PDE10A: variants seen among roughly 807,000 people sequenced by gnomAD.
PDE10A encodes phosphodiesterase 10A, also known as cAMP and cAMP-inhibited cGMP 3',5'-cyclic phosphodiesterase 10A.
A neutral mutation model predicts 97.7 loss-of-function variants in PDE10A; 39 were observed. The observed-to-expected ratio is 0.40, with a 90% CI of 0.31 to 0.52. The LOEUF is 0.52. PDE10A is among the 20% of genes least tolerant of loss of function. The probability of loss-of-function intolerance (pLI) is 0.56; values close to 1 mark genes in which losing one functional copy is unlikely to be tolerated. For missense variants in PDE10A, 731 were observed against 1,047.8 expected (o/e 0.70, Z 4.17); for synonymous variants, 371 against 376.8 (o/e 0.98, Z 0.18).
At chr6:165,608,472 T>C (rs1382676296) in intron 1 of PDE10A, among the ~76,000 whole-genome samples, 2 of 152,110 alleles carry the variant, frequency 1.3e-5, no homozygotes, top group Non-Finnish European at 2.9e-5. Context: ...TAGTATTCCA[T>C]GGTGTATATG....
chr6:165,432,115 T>C (rs1789618345), intron 7 of PDE10A, among the ~76,000 whole-genome samples: 1 of 152,134 alleles, frequency 6.6e-6, no homozygotes, highest in Non-Finnish European at 1.5e-5. Flanking sequence ...GATACTGTAG[T>C]AAATAACAGA....
chr6:165,480,799 G>A (rs898507054), intron 3 of PDE10A, among the ~76,000 whole-genome samples: 3 of 152,122 alleles, frequency 2.0e-5, no homozygotes, highest in African/African-American at 7.2e-5. Context: ...ATTGAAAATA[G>A]TGGCATACTA....
chr6:165,436,349 G>C (rs1293235327), intron 5 of PDE10A, among the ~76,000 whole-genome samples: 1 of 152,004 alleles, frequency 6.6e-6, no homozygotes, highest in African/African-American at 2.4e-5. Flanking sequence ...TAACTTATCA[G>C]GTATGTGGTT....
At chr6:165,398,615 A>T (rs748728244) in intron 13 of PDE10A, among the ~76,000 whole-genome samples, 3 of 152,132 alleles carry the variant, frequency 2.0e-5, no homozygotes, top group East Asian at 1.9e-4. Flanking sequence ...TCTTTATGTC[A>T]ATCAGTTGAC....
chr6:165,386,911 G>C (rs1397166296), intron 17 of PDE10A, among the ~76,000 whole-genome samples: 1 of 151,872 alleles, frequency 6.6e-6, no homozygotes, highest in Non-Finnish European at 1.5e-5. Context: ...AGCTACTTGG[G>C]AGGCTGAGGC....
intron 1 of PDE10A, among the ~76,000 whole-genome samples, chr6:165,627,239 C>A (rs1788430108): frequency 6.6e-6 from 1 of 152,174 alleles, no homozygotes; most frequent in Non-Finnish European, 1.5e-5. Flanking sequence ...CTGTATGTAA[C>A]ATACAGGCAT....
intron 1 of PDE10A, among the ~76,000 whole-genome samples, chr6:165,729,134 T>C (rs1182816741): frequency 1.3e-5 from 2 of 151,390 alleles, no homozygotes; most frequent in African/African-American, 4.9e-5. Flanking sequence ...CTCAGGATGT[T>C]GAGGCTGTAA....
intron 14 of PDE10A, 110 bp downstream of exon 14, chr6:165,396,207 C>A: frequency 1.1e-6 from 1 of 941,726 alleles, no homozygotes; most frequent in South Asian, 2.0e-5. Flanking sequence ...TGAAACTCCA[C>A]ATGTAATATG....
At chr6:165,405,835 G>C (rs1483561540) in intron 13 of PDE10A, among the ~76,000 whole-genome samples, 1 of 152,182 alleles carries the variant, frequency 6.6e-6, no homozygotes, top group Non-Finnish European at 1.5e-5. Context: ...CTACTGCAGA[G>C]CAGGCGCTTT....
intron 1 of PDE10A, among the ~76,000 whole-genome samples, chr6:165,729,491 G>T (rs925813236): frequency 1.3e-5 from 2 of 152,254 alleles, no homozygotes; most frequent in Admixed American, 6.5e-5. Context: ...AGCACTACCT[G>T]CTCCTACCAC....
At chr6:165,457,107 T>C (rs1021711809) in intron 3 of PDE10A, among the ~76,000 whole-genome samples, 1 of 152,216 alleles carries the variant, frequency 6.6e-6, no homozygotes, top group Admixed American at 6.5e-5. Context: ...GACACTTCTA[T>C]GGAAACCCCA....
At chr6:165,677,103 A>G (rs1790820270) in intron 1 of PDE10A, among the ~76,000 whole-genome samples, 1 of 152,246 alleles carries the variant, frequency 6.6e-6, no homozygotes, top group Non-Finnish European at 1.5e-5. Context: ...ATCCCAGTCT[A>G]GATGTTGCTG....
chr6:165,498,311 G>A (rs1211923706), intron 2 of PDE10A, among the ~76,000 whole-genome samples: 1 of 150,810 alleles, frequency 6.6e-6, no homozygotes, highest in Admixed American at 6.6e-5. Flanking sequence ...TCAAGTGGCT[G>A]AGGCAGTAGA....
intron 1 of PDE10A, among the ~76,000 whole-genome samples, chr6:165,658,802 G>T (rs902992050): frequency 3.3e-5 from 5 of 152,216 alleles, no homozygotes; most frequent in Non-Finnish European, 5.9e-5. Flanking sequence ...GGAGGCCAGA[G>T]ATCAGCAACT....
chr6:165,496,970 CT>C (rs1332459538), intron 2 of PDE10A, among the ~76,000 whole-genome samples: 2 of 152,186 alleles, frequency 1.3e-5, no homozygotes, highest in African/African-American at 4.8e-5. Context: ...ACCATGTTAA[CT>C]GATCTGTGCT....
intron 1 of PDE10A, among the ~76,000 whole-genome samples, chr6:165,943,016 G>A (rs1043999453): frequency 6.6e-6 from 1 of 151,428 alleles, no homozygotes; most frequent in South Asian, 2.1e-4. Context: ...TCAAGACAAG[G>A]AGCCACACCC....
At chr6:165,843,677 C>T (rs1326078407) in intron 1 of PDE10A, among the ~76,000 whole-genome samples, 5 of 152,184 alleles carry the variant, frequency 3.3e-5, no homozygotes, top group African/African-American at 1.2e-4. Flanking sequence ...TTCCTATCAC[C>T]ACAATGGGGA....
chr6:165,554,999 A>AG (rs1015276490), intron 1 of PDE10A, among the ~76,000 whole-genome samples: 9 of 152,292 alleles, frequency 5.9e-5, no homozygotes, highest in Middle Eastern at 3.4e-3. Flanking sequence ...AGTGAGTAAA[A>AG]GGATGATTAC....
chr6:165,565,904 C>T (rs1784754294), intron 1 of PDE10A, among the ~76,000 whole-genome samples: 1 of 152,136 alleles, frequency 6.6e-6, no homozygotes, highest in Non-Finnish European at 1.5e-5. Flanking sequence ...TATAGACACA[C>T]ACCTCAAACC....
Sources: gnomAD v4.1 joint callset for allele counts (sites outside exome capture counted in the v4.1 genomes callset) on GRCh38, gnomAD v4.1.1 for gene constraint, MANE v1.5 for transcripts, NCBI Gene and HGNC (gene_info 2026-07-23, HGNC 2026-07-21) for gene names.